SLC2A13: variants seen among roughly 807,000 people sequenced by gnomAD.
SLC2A13 encodes the protein solute carrier family 2 member 13.
SLC2A13 carries 32 observed loss-of-function variants against 64.4 expected under a neutral mutation model. The observed-to-expected ratio is 0.50, with a 90% CI of 0.37 to 0.67. The LOEUF is 0.67. Among genes scored for constraint, SLC2A13 ranks in the 30% least tolerant of loss-of-function variants. The pLI is 0.00. For synonymous variants in SLC2A13, 338 were observed against 327.1 expected (o/e 1.03, Z -0.36); for missense variants, 743 against 829.2 (o/e 0.90, Z 1.28).
chr12:39,933,240 A>G (rs1340364958), intron 4 of SLC2A13, among the ~76,000 whole-genome samples: 3 of 152,198 alleles, frequency 2.0e-5, no homozygotes, highest in South Asian at 2.1e-4. Flanking sequence ...CAATAAATAA[A>G]TAAGAATAAA....
intron 2 of SLC2A13, among the ~76,000 whole-genome samples, chr12:40,046,822 A>G (rs1389121916): frequency 6.6e-6 from 1 of 152,032 alleles, no homozygotes; most frequent in Non-Finnish European, 1.5e-5. Context: ...TTAATGGCTC[A>G]TCCTAAGCCA....
At chr12:39,920,852 T>C (rs1945603797) in intron 4 of SLC2A13, among the ~76,000 whole-genome samples, 1 of 152,062 alleles carries the variant, frequency 6.6e-6, no homozygotes, top group African/African-American at 2.4e-5. Context: ...GAATGCCTGC[T>C]AAATGCCAGG....
chr12:40,105,476 C>T lies in SLC2A13; in HGVS notation c.333G>A (p.Arg111=). Residue 111 remains arginine (R), a synonymous_variant, in exon 1 of 10, where the codon CGG becomes CGA. Transcript: ENST00000280871. This position sits in a 1 kb window ranked among gnomAD's most constrained non-coding sequence, Gnocchi z 4.2. ...VVSGAMLLLK[R]QLSLDALWQE... ...GCCACAGCGCGTCCAGACTGAGCTG[C>T]CGCTTGAGCAGCAGCATGGCCCCTG... 1 of 1,567,528 alleles carries T rather than the reference C, an allele frequency of 6.4e-7. No homozygotes were observed. Among genetic ancestry groups the T allele is most frequent in the Non-Finnish European group, 8.6e-7 (1 of 1,156,950 alleles).
intron 4 of SLC2A13, among the ~76,000 whole-genome samples, chr12:39,917,948 T>G (rs1025689364): frequency 6.6e-6 from 1 of 152,058 alleles, no homozygotes; most frequent in Non-Finnish European, 1.5e-5. Flanking sequence ...GTTTCTCAAT[T>G]ATTCCAAAGA....
At chr12:39,801,363 A>C (rs1302884709) in intron 7 of SLC2A13, among the ~76,000 whole-genome samples, 2 of 144,424 alleles carry the variant, frequency 1.4e-5, no homozygotes, top group African/African-American at 2.5e-5. Flanking sequence ...AAAAAAAAGA[A>C]AGAACTGAAG....
At chr12:39,890,232 C>A (rs1167046300) in intron 4 of SLC2A13, among the ~76,000 whole-genome samples, 1 of 151,816 alleles carries the variant, frequency 6.6e-6, no homozygotes, top group Non-Finnish European at 1.5e-5. Context: ...CATTTGTTTA[C>A]CTTAAAGAAA....
At position 39,981,592 on chromosome 12, in the gene SLC2A13, C is replaced by T. The variant is rs1341204514; in HGVS notation, c.926-30227G>A. Among the ~76,000 whole-genome samples, 407 of 151,314 alleles carry T rather than the reference C, an allele frequency of 2.7e-3. 1 individual carries two copies. The highest frequency in any genetic ancestry group is 3.8e-3 in the Non-Finnish European group (261 of 67,802). On this transcript the variant is annotated intron_variant, in intron 3 of 9. Coordinates refer to ENST00000280871, the MANE Select transcript of SLC2A13 (RefSeq NM_052885.4). ...AAAATCTAGAAGAAATGGATACATT[C>T]CTCGACACATACACTCTCCCAAGAC...
At chr12:39,913,783 G>C (rs564878257) in intron 4 of SLC2A13, among the ~76,000 whole-genome samples, 2 of 151,880 alleles carry the variant, frequency 1.3e-5, no homozygotes, top group Non-Finnish European at 2.9e-5. Context: ...ATTAGAAATT[G>C]TAATACATCT....
chr12:39,923,694 GCGCA>G lies in SLC2A13; in HGVS notation c.1034+27559_1034+27562del, dbSNP rs908974582. 9.3e-3 allele frequency among the ~76,000 whole-genome samples: 1,281 copies of G among 137,298 alleles called. 18 individuals carry two copies. Among genetic ancestry groups the G allele is most frequent in the African/African-American group, 0.029 (1,041 of 36,264 alleles). The allele number at this position is 137,298 out of a possible 152,430, so 90.1% of individuals were successfully genotyped here. ...TATATATATATATATATATGCGCAC[GCGCA>G]CACACACACACACACACACACACAC... On this transcript the variant is annotated intron_variant, in intron 4 of 9. Coordinates refer to ENST00000280871, the MANE Select transcript of SLC2A13 (RefSeq NM_052885.4).
At chr12:40,090,158 T>C (rs1372044798) in intron 1 of SLC2A13, among the ~76,000 whole-genome samples, 1 of 152,198 alleles carries the variant, frequency 6.6e-6, no homozygotes, top group Non-Finnish European at 1.5e-5. Flanking sequence ...AAGAAATGGT[T>C]TCAAAGGAAA....
intron 4 of SLC2A13, among the ~76,000 whole-genome samples, chr12:39,943,595 G>A (rs1477452654): frequency 6.6e-6 from 1 of 152,112 alleles, no homozygotes; most frequent in Non-Finnish European, 1.5e-5. Flanking sequence ...AATGGTGGAC[G>A]CCCCTCCGCC....
chr12:39,821,966 T>A (rs1942527526), intron 7 of SLC2A13, among the ~76,000 whole-genome samples: 1 of 152,094 alleles, frequency 6.6e-6, no homozygotes, highest in African/African-American at 2.4e-5. Flanking sequence ...ATGTGCACAA[T>A]GTGCAGGTTA....
chr12:39,943,219 G>A (rs959689891), intron 4 of SLC2A13, among the ~76,000 whole-genome samples: 3 of 152,200 alleles, frequency 2.0e-5, no homozygotes, highest in African/African-American at 7.2e-5. Flanking sequence ...TCCCAGTCAG[G>A]AGGCATGGGG....
chr12:39,987,106 C>T (rs1211322220), intron 3 of SLC2A13, among the ~76,000 whole-genome samples: 1 of 152,092 alleles, frequency 6.6e-6, no homozygotes, highest in Non-Finnish European at 1.5e-5. Flanking sequence ...CTGGACAAAG[C>T]CTAAGTTAAT....
Position 39,864,839 on chromosome 12 carries a change from T to G in SLC2A13, c.1242A>C (p.Leu414=). 3 of 1,613,804 alleles carry G rather than the reference T, an allele frequency of 1.9e-6. No individual in the cohort carries two copies. The East Asian group carries it at 6.7e-5, about 36-fold the overall frequency. ...TGATGCGTGGGGAAACTTGGGCTGA[T>G]AGCACAAATCCCAAGGCAAGAATAA... ...ALIILALGFV[L]SAQVSPRITF... The change falls in exon 6 of 10, where the codon CTA becomes CTC. Residue 414 remains leucine (L), a synonymous_variant. Transcript: ENST00000280871.
At chr12:39,968,629 C>CCAAGTCTA (rs1268213589) in intron 3 of SLC2A13, among the ~76,000 whole-genome samples, 1 of 151,806 alleles carries the variant, frequency 6.6e-6, no homozygotes, top group African/African-American at 2.4e-5. Flanking sequence ...TCCCTCTATC[C>CCAAGTCTA]CAAGTCTACC....
intron 3 of SLC2A13, among the ~76,000 whole-genome samples, chr12:39,953,602 C>A (rs1021417992): frequency 2.0e-5 from 3 of 152,066 alleles, no homozygotes; most frequent in African/African-American, 7.2e-5. Flanking sequence ...ATTTCTTTTG[C>A]TTTTGTAATT....
At chr12:39,954,396 G>C (rs1005482866) in intron 3 of SLC2A13, among the ~76,000 whole-genome samples, 2 of 152,108 alleles carry the variant, frequency 1.3e-5, no homozygotes, top group Non-Finnish European at 2.9e-5. Context: ...TTTCCCTTGA[G>C]TATTCAGTTG....
chr12:39,902,793 T>C (rs2136021226), intron 4 of SLC2A13, among the ~76,000 whole-genome samples: 1 of 152,256 alleles, frequency 6.6e-6, no homozygotes, highest in Admixed American at 6.5e-5. Flanking sequence ...TTATATAGTT[T>C]TAGTTATCTA....
Sources: gnomAD v4.1 joint callset for allele counts (sites outside exome capture counted in the v4.1 genomes callset) on GRCh38, gnomAD v4.1.1 for gene constraint, Gnocchi (gnomAD v3.1) non-coding constraint, MANE v1.5 for transcripts, NCBI Gene and HGNC (gene_info 2026-07-23, HGNC 2026-07-21) for gene names.